The following IGF1 variants were observed in gnomAD, a reference collection of about 807,000 sequenced individuals.
The protein encoded by IGF1 is insulin like growth factor 1.
In IGF1, 4 loss-of-function variants were observed where a neutral mutation model predicts 13.8. That is an observed-to-expected ratio of 0.29 (90% CI 0.14 to 0.66). The LOEUF (loss-of-function observed/expected upper bound fraction) is 0.66, where lower values mean the gene tolerates loss of function less well. Ranked by LOEUF, IGF1 falls within the 30% of genes least tolerant of loss-of-function variation. The probability of loss-of-function intolerance (pLI) is 0.78; values close to 1 mark genes in which losing one functional copy is unlikely to be tolerated. For synonymous variants in IGF1, 76 were observed against 72.6 expected (o/e 1.05, Z -0.23); for missense variants, 124 against 188.5 (o/e 0.66, Z 2.00).
intron 2 of IGF1, among the ~76,000 whole-genome samples, chr12:102,450,558 A>T (rs1281916242): frequency 6.6e-6 from 1 of 152,224 alleles, no homozygotes; most frequent in East Asian, 1.9e-4. Context: ...TTCGCCTTCC[A>T]TCTGAAGGCT....
chr12:102,479,459 G>C (rs5742614), intron 1 of IGF1, among the ~76,000 whole-genome samples: 6,202 of 152,184 alleles, frequency 0.041, 369 homozygotes, highest in African/African-American at 0.13. Flanking sequence ...ATGGAAACTA[G>C]AACTACGGCC....
At chr12:102,441,918 T>TCTCCTTCTC (rs1877803849) in intron 2 of IGF1, among the ~76,000 whole-genome samples, 3 of 83,066 alleles carry the variant, frequency 3.6e-5, no homozygotes, top group Admixed American at 2.7e-4. Flanking sequence ...TTCTTCTCCT[T>TCTCCTTCTC]CTTCTTCTTC....
At chr12:102,460,969 T>G (rs765103180) in intron 2 of IGF1, among the ~76,000 whole-genome samples, 1 of 152,194 alleles carries the variant, frequency 6.6e-6, no homozygotes, top group Non-Finnish European at 1.5e-5. Flanking sequence ...AGATCACAAT[T>G]ATCACATTTC....
intron 2 of IGF1, among the ~76,000 whole-genome samples, chr12:102,464,385 G>A (rs1487551292): frequency 6.6e-6 from 1 of 150,502 alleles, no homozygotes; most frequent in Non-Finnish European, 1.5e-5. Context: ...TATATATTCT[G>A]GGGACTGGAA....
At chr12:102,440,222 A>C (rs948422679) in intron 2 of IGF1, among the ~76,000 whole-genome samples, 7 of 152,132 alleles carry the variant, frequency 4.6e-5, no homozygotes, top group Non-Finnish European at 1.0e-4. Context: ...TCTGAATGGG[A>C]AGGAAACTGG....
intron 2 of IGF1, among the ~76,000 whole-genome samples, chr12:102,461,327 C>T (rs571063048): frequency 1.3e-5 from 2 of 152,258 alleles, no homozygotes; most frequent in South Asian, 4.1e-4. Flanking sequence ...GACCCGAAGC[C>T]AGCTGTATCT....
chr12:102,423,259 GAAAAAAAAAAAAAAA>G (rs138450873), intron 2 of IGF1: 4 of 43,158 alleles, frequency 9.3e-5, no homozygotes, highest in African/African-American at 4.4e-4. Flanking sequence ...TCGATGCTAC[GAAAAAAAAAAAAAAA>G]AAAAAAAAAA....
chr12:102,443,100 T>A (rs1308979859), intron 2 of IGF1, among the ~76,000 whole-genome samples: 1 of 152,052 alleles, frequency 6.6e-6, no homozygotes, highest in African/African-American at 2.4e-5. Flanking sequence ...TGGTAGAACG[T>A]AAGGAGCTCA....
intron 2 of IGF1, among the ~76,000 whole-genome samples, chr12:102,443,422 T>A (rs1197715113): frequency 6.6e-6 from 1 of 152,064 alleles, no homozygotes; most frequent in Admixed American, 6.5e-5. Flanking sequence ...GCCACCATGC[T>A]GGGATGGTGA....
intron 3 of IGF1, among the ~76,000 whole-genome samples, chr12:102,416,529 C>T (rs749308614): frequency 6.6e-6 from 1 of 152,158 alleles, no homozygotes; most frequent in South Asian, 2.1e-4. Context: ...TGTCTCCTGG[C>T]CAAAAGAAGA....
intron 3 of IGF1, among the ~76,000 whole-genome samples, chr12:102,413,239 C>A (rs1874797277): frequency 6.6e-6 from 1 of 152,284 alleles, no homozygotes; most frequent in African/African-American, 2.4e-5. Context: ...TAACTAGAGA[C>A]TATCAATGTT....
At chr12:102,442,225 A>G (rs944283066) in intron 2 of IGF1, among the ~76,000 whole-genome samples, 2 of 151,932 alleles carry the variant, frequency 1.3e-5, no homozygotes, top group Non-Finnish European at 2.9e-5. Flanking sequence ...CTGGAATTTC[A>G]GGAGTGAGCC....
chr12:102,455,114 G>T (rs1055976044), intron 2 of IGF1, among the ~76,000 whole-genome samples: 1 of 152,196 alleles, frequency 6.6e-6, no homozygotes, highest in Admixed American at 6.5e-5. Flanking sequence ...TGACATTCTC[G>T]ATTTGCAAGA....
At chr12:102,448,751 C>G (rs572101918) in intron 2 of IGF1, among the ~76,000 whole-genome samples, 1 of 141,744 alleles carries the variant, frequency 7.1e-6, no homozygotes, top group Non-Finnish European at 1.5e-5. Flanking sequence ...TATGAACAGA[C>G]ACTTCTCAAA....
At chr12:102,453,359 G>A (rs1384006783) in intron 2 of IGF1, among the ~76,000 whole-genome samples, 1 of 152,138 alleles carries the variant, frequency 6.6e-6, no homozygotes, top group Non-Finnish European at 1.5e-5. Context: ...TCTTAAAGAG[G>A]TATGGTAGGA....
At chr12:102,449,786 T>A (rs557334706) in intron 2 of IGF1, among the ~76,000 whole-genome samples, 6 of 151,754 alleles carry the variant, frequency 4.0e-5, no homozygotes, top group Non-Finnish European at 8.8e-5. Flanking sequence ...AGCCCTATAA[T>A]TCGATGGTTC....
At chr12:102,432,374 A>G (rs948969620) in intron 2 of IGF1, among the ~76,000 whole-genome samples, 2 of 152,214 alleles carry the variant, frequency 1.3e-5, no homozygotes, top group Non-Finnish European at 2.9e-5. Flanking sequence ...TACACATAAC[A>G]TTCTACTACT....
chr12:102,466,667 T>C (rs1397935979), intron 2 of IGF1, among the ~76,000 whole-genome samples: 1 of 152,094 alleles, frequency 6.6e-6, no homozygotes, highest in Non-Finnish European at 1.5e-5. Flanking sequence ...TTTGGGAGAC[T>C]GAGGCGGGCA....
chr12:102,443,714 C>CTGG (rs2078179423), intron 2 of IGF1, among the ~76,000 whole-genome samples: 1 of 152,064 alleles, frequency 6.6e-6, no homozygotes, highest in South Asian at 2.1e-4. Flanking sequence ...GATATATTTA[C>CTGG]ACAGAGTTTC....
Sources: allele counts gnomAD v4.1 joint callset (sites outside exome capture counted in the v4.1 genomes callset), GRCh38; gene constraint gnomAD v4.1.1; transcripts MANE v1.5; gene names NCBI Gene and HGNC (gene_info 2026-07-23, HGNC 2026-07-21).